The following HNF4G variants were observed in gnomAD, a reference collection of about 807,000 sequenced individuals.
The protein encoded by HNF4G is hepatocyte nuclear factor 4 gamma.
A neutral mutation model predicts 50.9 loss-of-function variants in HNF4G; 21 were observed. That is an observed-to-expected ratio of 0.41 (90% CI 0.29 to 0.59). The LOEUF (loss-of-function observed/expected upper bound fraction) is 0.59, where lower values mean the gene tolerates loss of function less well. HNF4G is among the 20% of genes least tolerant of loss of function. The pLI is 0.26. For synonymous variants in HNF4G, 198 were observed against 185.6 expected, an observed-to-expected ratio of 1.07 and a Z score of -0.54; for missense variants, 527 against 559.4, an observed-to-expected ratio of 0.94 and a Z score of 0.58.
intron 1 of HNF4G, among the ~76,000 whole-genome samples, chr8:75,541,900 C>T (rs555381164): frequency 6.6e-6 from 1 of 152,106 alleles, no homozygotes; most frequent in African/African-American, 2.4e-5. Context: ...GATAAATTCT[C>T]TACCAACATG....
rs1807398680 is a variant in HNF4G, at chr8:75,564,190, A to G, written c.*94A>G. On this transcript the variant is annotated 3_prime_UTR_variant, in exon 10 of 10. Coordinates refer to ENST00000396423, the MANE Select transcript of HNF4G (RefSeq NM_004133.5). ...AGCACTTTTGGCAAACTCTTAGCCA[A>G]GGCTTCTTCATTGGTGCTGTTATAA... is the stretch of plus-strand genomic sequence containing the variant. 2 of 1,294,640 alleles carry G rather than the reference A, an allele frequency of 1.5e-6. No homozygotes were observed. The highest frequency in any genetic ancestry group is 1.3e-5 in the South Asian group (1 of 74,552). The allele number at this position is 1,294,640 out of a possible 1,614,324, so 80.2% of individuals were successfully genotyped here. A position where few individuals can be genotyped will look rare whatever the true frequency, so the allele number is the denominator to read the frequency against.
chr8:75,558,267 C>T (rs1325753545), intron 6 of HNF4G, among the ~76,000 whole-genome samples: 1 of 152,108 alleles, frequency 6.6e-6, no homozygotes. Context: ...TATTAGTCTG[C>T]ACTTTTGTGT....
At chr8:75,532,727 A>G (rs1337657006) in intron 2 of HNF4G, among the ~76,000 whole-genome samples, 6 of 152,026 alleles carry the variant, frequency 3.9e-5, no homozygotes, top group Admixed American at 3.3e-4. Flanking sequence ...TCCTATATGT[A>G]TATTTTGCAA....
chr8:75,514,323 C>T (rs1227544355), intron 2 of HNF4G, among the ~76,000 whole-genome samples: 10 of 140,052 alleles, frequency 7.1e-5, no homozygotes, highest in South Asian at 2.3e-4. Flanking sequence ...TTTTCTTTTT[C>T]TTTTTCTTTT....
chr8:75,563,408 T>C (rs888112742), intron 9 of HNF4G, among the ~76,000 whole-genome samples: 16 of 143,496 alleles, frequency 1.1e-4, no homozygotes, highest in African/African-American at 3.2e-4. Context: ...GCAAGCTCGA[T>C]TGTAATAGAA....
chr8:75,459,803 C>G (rs1044365285), intron 1 of HNF4G, among the ~76,000 whole-genome samples: 17 of 152,050 alleles, frequency 1.1e-4, no homozygotes, highest in African/African-American at 4.1e-4. Flanking sequence ...TGCTAGCCAC[C>G]TAGAAAAGCC....
chr8:75,429,769 G>A (rs923056819), intron 1 of HNF4G, among the ~76,000 whole-genome samples: 3 of 152,178 alleles, frequency 2.0e-5, no homozygotes, highest in African/African-American at 4.8e-5. Context: ...GCATTTCATT[G>A]CAGTGTTCCA....
intron 2 of HNF4G, among the ~76,000 whole-genome samples, chr8:75,546,121 A>C (rs1021160797): frequency 1.3e-5 from 2 of 152,146 alleles, no homozygotes; most frequent in South Asian, 4.1e-4. Flanking sequence ...ATTAATCATC[A>C]ACTATAAATA....
upstream of HNF4G, among the ~76,000 whole-genome samples, chr8:75,536,601 A>G (rs757965300): frequency 2.6e-5 from 4 of 151,550 alleles, no homozygotes; most frequent in Non-Finnish European, 5.9e-5. Context: ...GAATATATAT[A>G]AAAAAAACCG....
chr8:75,555,880 A>G (rs772319070), intron 5 of HNF4G, 102 bp from the exon 6 acceptor site: 180 of 570,502 alleles, frequency 3.2e-4, no homozygotes, highest in Non-Finnish European at 4.7e-4. Context: ...TGTTAAACAA[A>G]AAGTCCCAGG....
intron 1 of HNF4G, among the ~76,000 whole-genome samples, chr8:75,447,773 T>A (rs1431446150): frequency 3.7e-5 from 5 of 135,530 alleles, no homozygotes; most frequent in Non-Finnish European, 6.3e-5. Context: ...CATTAAAAAG[T>A]CAGGAAACAA....
chr8:75,471,637 T>C (rs543703454), intron 1 of HNF4G, among the ~76,000 whole-genome samples: 5 of 152,296 alleles, frequency 3.3e-5, no homozygotes, highest in African/African-American at 1.2e-4. Flanking sequence ...TCTTTCTTTC[T>C]TTTAAAGGAG....
intron 1 of HNF4G, among the ~76,000 whole-genome samples, chr8:75,463,213 T>G (rs1811894102): frequency 6.6e-6 from 1 of 152,124 alleles, no homozygotes. Flanking sequence ...GGTGTACAAC[T>G]AGTATTTTTT....
At chr8:75,475,787 T>C (rs1812226060) in intron 1 of HNF4G, among the ~76,000 whole-genome samples, 1 of 152,168 alleles carries the variant, frequency 6.6e-6, no homozygotes, top group Non-Finnish European at 1.5e-5. Context: ...TTTTCATTTA[T>C]AATAAACCAT....
chr8:75,442,513 G>A (rs1811311577), intron 1 of HNF4G, among the ~76,000 whole-genome samples: 1 of 152,066 alleles, frequency 6.6e-6, no homozygotes, highest in Non-Finnish European at 1.5e-5. Flanking sequence ...AGTCAAGGCT[G>A]CAGTGAGTCA....
intron 2 of HNF4G, among the ~76,000 whole-genome samples, chr8:75,513,386 ATTAAATTTG>A (rs566587188): frequency 1.7e-4 from 26 of 152,306 alleles, no homozygotes; most frequent in Admixed American, 3.3e-4. Context: ...ATTTCTTGTG[ATTAAATTTG>A]TTAAATTTGT....
chr8:75,542,537 A>C (rs1190645461), intron 1 of HNF4G, among the ~76,000 whole-genome samples: 1 of 63,790 alleles, frequency 1.6e-5, no homozygotes, highest in Non-Finnish European at 3.3e-5. Flanking sequence ...ATGACGACGA[A>C]AAAAAAAAAA....
chr8:75,486,842 A>C (rs1812508877), intron 1 of HNF4G, among the ~76,000 whole-genome samples: 1 of 152,162 alleles, frequency 6.6e-6, no homozygotes, highest in Non-Finnish European at 1.5e-5. Context: ...ATCTCTACAA[A>C]AAATAAAAAA....
At chr8:75,547,544 T>C in intron 2 of HNF4G, 43 bp from the exon 3 acceptor site, 1 of 1,329,882 alleles carries the variant, frequency 7.5e-7, no homozygotes, top group Non-Finnish European at 1.1e-6. Flanking sequence ...GCTTCTTTTG[T>C]AAATTATAGT....
Sources: allele counts gnomAD v4.1 joint callset (sites outside exome capture counted in the v4.1 genomes callset), GRCh38; gene constraint gnomAD v4.1.1; transcripts MANE v1.5; gene names NCBI Gene and HGNC (gene_info 2026-07-23, HGNC 2026-07-21).